Variants in GABRB3 observed in about 807,000 individuals in gnomAD.
The protein encoded by GABRB3 is gamma-aminobutyric acid receptor subunit beta-3.
In GABRB3, 14 loss-of-function variants were observed where a neutral mutation model predicts 52.1. The observed-to-expected ratio is 0.27, with a 90% confidence interval of 0.18 to 0.42. GABRB3 has a LOEUF of 0.42. GABRB3 is among the 10% of genes least tolerant of loss of function. The pLI is 1.00. For missense variants in GABRB3, 307 were observed against 609.1 expected (o/e 0.50, Z 5.22); for synonymous variants, 260 against 232.3 (o/e 1.12, Z -1.08).
At chr15:26,761,276 A>T (rs1222523408) in intron 3 of GABRB3, among the ~76,000 whole-genome samples, 1 of 151,858 alleles carries the variant, frequency 6.6e-6, no homozygotes, top group Non-Finnish European at 1.5e-5. Context: ...GCGCCTGTAG[A>T]CCCAGCTACT....
At chr15:26,724,316 C>T (rs1294409357) in intron 3 of GABRB3, among the ~76,000 whole-genome samples, 1 of 152,124 alleles carries the variant, frequency 6.6e-6, no homozygotes. Context: ...AATGAACCCC[C>T]CTCTTGGCCA....
intron 4 of GABRB3, among the ~76,000 whole-genome samples, chr15:26,619,497 T>C (rs1449742516): frequency 7.8e-6 from 1 of 128,594 alleles, no homozygotes; most frequent in Non-Finnish European, 1.6e-5. Flanking sequence ...GAAGGGGAAC[T>C]TCACACTCTG....
In GABRB3 at chr15:26,583,305, G is replaced by C. The variant is rs201953456; in HGVS notation, c.544+27C>G. ...AGGATCAAAAGTACAAATAGGAGGA[G>C]AAAGAAACACAGATACGGATACACA... On this transcript the variant is annotated intron_variant, in intron 5 of 8. Transcript: ENST00000311550. 662 of 1,569,356 alleles carry C rather than the reference G, an allele frequency of 4.2e-4. 1 individual carries two copies. The Middle Eastern group carries it at 0.011, about 27-fold the overall frequency.
At chr15:26,641,759 T>C (rs920581394) in intron 3 of GABRB3, among the ~76,000 whole-genome samples, 28 of 152,170 alleles carry the variant, frequency 1.8e-4, no homozygotes, top group African/African-American at 6.3e-4. Context: ...GCAAGACCCA[T>C]ACTGATGTCC....
At chr15:26,688,101 T>C (rs924573059) in intron 3 of GABRB3, among the ~76,000 whole-genome samples, 1 of 152,128 alleles carries the variant, frequency 6.6e-6, no homozygotes, top group Non-Finnish European at 1.5e-5. Flanking sequence ...GTCATTTGAG[T>C]GGAAAGCTCA....
intron 6 of GABRB3, among the ~76,000 whole-genome samples, chr15:26,574,552 A>G (rs1890523356): frequency 6.6e-6 from 1 of 152,222 alleles, no homozygotes; most frequent in Admixed American, 6.5e-5. Flanking sequence ...AAAATGCAGT[A>G]TATTTCTTCG....
chr15:26,559,738 T>C (rs1047734148), intron 8 of GABRB3, among the ~76,000 whole-genome samples: 12 of 152,196 alleles, frequency 7.9e-5, no homozygotes, highest in African/African-American at 2.9e-4. Flanking sequence ...ACAGCATTGC[T>C]GAGTTGGGCT....
chr15:26,703,954 T>C (rs1262709182), intron 3 of GABRB3, among the ~76,000 whole-genome samples: 1 of 152,156 alleles, frequency 6.6e-6, no homozygotes, highest in Non-Finnish European at 1.5e-5. Flanking sequence ...TGGCGTTGCA[T>C]ATTGATGGCT....
chr15:26,603,508 G>C (rs1377246203), intron 4 of GABRB3, among the ~76,000 whole-genome samples: 1 of 151,968 alleles, frequency 6.6e-6, no homozygotes, highest in East Asian at 1.9e-4. Context: ...AATGAATATT[G>C]ATGCAAAAAT....
intron 3 of GABRB3, chr15:26,771,764 G>C (rs571841619): frequency 6.6e-6 from 1 of 152,228 alleles, no homozygotes; most frequent in African/African-American, 2.4e-5. Flanking sequence ...CCGGTAGAGC[G>C]GCTCCTCTGA....
At chr15:26,744,899 A>G (rs1890298344) in intron 3 of GABRB3, among the ~76,000 whole-genome samples, 1 of 152,246 alleles carries the variant, frequency 6.6e-6, no homozygotes, top group Non-Finnish European at 1.5e-5. Context: ...GCATTGCTAT[A>G]AAGAAATACC....
chr15:26,615,412 T>G (rs1892218793), intron 4 of GABRB3: 1 of 985,996 alleles, frequency 1.0e-6, no homozygotes, highest in African/African-American at 1.7e-5. Context: ...CATATTCAGC[T>G]GAGCTCAAGC....
chr15:26,555,630 C>T (rs779200958), intron 8 of GABRB3, among the ~76,000 whole-genome samples: 1 of 152,194 alleles, frequency 6.6e-6, no homozygotes, highest in Non-Finnish European at 1.5e-5. Context: ...ACATGTATGA[C>T]TAACTGGTAG....
chr15:26,593,783 G>A (rs1011095336), intron 4 of GABRB3, among the ~76,000 whole-genome samples: 9 of 151,832 alleles, frequency 5.9e-5, no homozygotes, highest in South Asian at 2.1e-4. Context: ...AAACATTGGC[G>A]TAAAAATATC....
At chr15:26,742,405 A>G (rs1352457835) in intron 3 of GABRB3, among the ~76,000 whole-genome samples, 1 of 147,316 alleles carries the variant, frequency 6.8e-6, no homozygotes, top group African/African-American at 2.5e-5. Context: ...AGCCTCTCCT[A>G]CTCTAGGATT....
chr15:26,667,857 G>C (rs1378237772), intron 3 of GABRB3, among the ~76,000 whole-genome samples: 1 of 152,162 alleles, frequency 6.6e-6, no homozygotes, highest in African/African-American at 2.4e-5. Context: ...TGAGAACCTT[G>C]GGTCTGCAAA....
chr15:26,586,903 G>C (rs988335019), intron 4 of GABRB3, among the ~76,000 whole-genome samples: 2 of 152,074 alleles, frequency 1.3e-5, no homozygotes, highest in East Asian at 1.9e-4. Flanking sequence ...AGGGAAAATG[G>C]GGAGGTGATG....
At position 26,634,757 on chromosome 15, in the gene GABRB3, G is replaced by A. The variant is rs536874914; in HGVS notation, c.241-13223C>T. 3.0e-3 allele frequency among the ~76,000 whole-genome samples: 448 copies of A among 151,676 alleles called. 5 individuals carry two copies. Among genetic ancestry groups the A allele is most frequent in the African/African-American group, 0.01 (431 of 41,356 alleles). On this transcript the variant is annotated intron_variant, in intron 3 of 8. Transcript: ENST00000311550. ...CTGGAATGTGCTGGTAAACTGCAGA[G>A]TCATTGCATACTCTCCTTTATTTAA...
chr15:26,665,382 A>G (rs1167523143), intron 3 of GABRB3, among the ~76,000 whole-genome samples: 1 of 152,260 alleles, frequency 6.6e-6, no homozygotes, highest in Admixed American at 6.5e-5. Flanking sequence ...GCAAAATTGC[A>G]AAGGTAGCAG....
Sources: allele counts gnomAD v4.1 joint callset (sites outside exome capture counted in the v4.1 genomes callset), GRCh38; gene constraint gnomAD v4.1.1; transcripts MANE v1.5; gene names NCBI Gene and HGNC (gene_info 2026-07-23, HGNC 2026-07-21).